OVOL2: variants seen among roughly 807,000 people sequenced by gnomAD.
The protein encoded by OVOL2 is ovo like zinc finger 2, also known as transcription factor Ovo-like 2.
In OVOL2, 13 loss-of-function variants were observed where a neutral mutation model predicts 18.1. The ratio of observed to expected loss-of-function variants is 0.72; its 90% CI spans 0.47 to 1.14. The LOEUF is 1.14. Ranked by LOEUF, OVOL2 falls within the 50% of genes most tolerant of loss-of-function variation. The probability of loss-of-function intolerance (pLI) is 0.00; values close to 1 mark genes in which losing one functional copy is unlikely to be tolerated. For synonymous variants in OVOL2, 166 were observed against 162.7 expected (o/e 1.02, Z -0.16); for missense variants, 335 against 383.0 (o/e 0.87, Z 1.05).
In OVOL2 at chr20:18,032,321, AAGAAAGAG is replaced by A. The variant is rs1440246109; in HGVS notation, c.512-7377_512-7370del. The stretch of plus-strand genomic sequence containing the variant: ...AAGGAAGGAAGGAGAGAGAGAGAGA[AAGAAAGAG>A]AGAAAGAAAGAAAGGAAAGAAAAGA... On this transcript the variant is annotated intron_variant, in intron 3 of 3. Coordinates refer to ENST00000278780, the MANE Select transcript of OVOL2 (RefSeq NM_021220.4). 2.7e-5 allele frequency among the ~76,000 whole-genome samples: 4 copies of A among 147,190 alleles called. No homozygotes were observed. In the East Asian group the frequency reaches 8.6e-4, roughly 31 times the overall value.
At chr20:18,054,230 C>T (rs770118114) in intron 2 of OVOL2, among the ~76,000 whole-genome samples, 1 of 152,196 alleles carries the variant, frequency 6.6e-6, no homozygotes, top group Non-Finnish European at 1.5e-5. Flanking sequence ...GAGGGGTGAG[C>T]CACTTGCTCA....
At position 18,056,958 on chromosome 20, in the gene OVOL2, G is replaced by A; in HGVS notation, c.101-81C>T. ...CGCGGCAGTTTGACCTGCGGGCGGT[G>A]CTGCCGCCGCCCCGCCCCGGACCTG... On this transcript the variant is annotated intron_variant, in intron 1 of 3. Coordinates refer to ENST00000278780, the MANE Select transcript of OVOL2 (RefSeq NM_021220.4). The surrounding 1 kb of genome is among the most constrained non-coding windows in gnomAD (Gnocchi z 4.2). The A allele has an allele frequency of 7.3e-7, 1 of 1,370,428 alleles. No homozygotes were observed. The highest frequency in any genetic ancestry group is 1.7e-5 in the South Asian group (1 of 59,968). The allele number at this position is 1,370,428 out of a possible 1,614,324, so 84.9% of individuals were successfully genotyped here.
intron 2 of OVOL2, among the ~76,000 whole-genome samples, chr20:18,042,355 C>T (rs1336000015): frequency 6.6e-6 from 1 of 152,154 alleles, no homozygotes; most frequent in Non-Finnish European, 1.5e-5. Context: ...GAAATGTGAT[C>T]CCCAGTGTTG....
At chr20:18,031,141 G>A (rs1327017265) in intron 3 of OVOL2, among the ~76,000 whole-genome samples, 1 of 152,170 alleles carries the variant, frequency 6.6e-6, no homozygotes, top group East Asian at 1.9e-4. Context: ...TTAACCTACT[G>A]ACACCCACAC....
At chr20:18,032,039 C>T (rs1054671400) in intron 3 of OVOL2, among the ~76,000 whole-genome samples, 10 of 152,046 alleles carry the variant, frequency 6.6e-5, no homozygotes, top group South Asian at 2.1e-4. Flanking sequence ...GCAGCCTCCC[C>T]GGAAGGCAAT....
intron 3 of OVOL2, among the ~76,000 whole-genome samples, chr20:18,027,542 AT>A (rs1429763230): frequency 2.0e-5 from 3 of 150,084 alleles, no homozygotes; most frequent in Admixed American, 6.7e-5. Context: ...AAAAAAAAAA[AT>A]AAGTAAATAA....
Position 18,024,666 on chromosome 20 carries a change from G to A in OVOL2, c.798C>T (p.Thr266=), listed in dbSNP as rs2036493245. ...TCCTCTCCTCCTCCTCACTCAGGCT[G>A]GTATTCTCCTGGTGTGCGGATGTCA... is the stretch of plus-strand genomic sequence containing the variant. ...GKLTSAHQEN[T]SLSEEEERK Residue 266 remains threonine, a synonymous_variant, in exon 4 of 4, where the codon ACC becomes ACT. Coordinates refer to ENST00000278780, the MANE Select transcript of OVOL2 (RefSeq NM_021220.4). 1 of 1,612,484 alleles carries A rather than the reference G, an allele frequency of 6.2e-7. No individual in the cohort carries two copies. Among genetic ancestry groups the A allele is most frequent in the East Asian group, 2.2e-5 (1 of 44,848 alleles).
chr20:18,058,597 A>G (rs1271170732), upstream of OVOL2, among the ~76,000 whole-genome samples: 1 of 150,430 alleles, frequency 6.6e-6, no homozygotes. Flanking sequence ...AAAAGCCAGG[A>G]GCATATTATG....
upstream of OVOL2, chr20:18,057,989 G>T: frequency 1.5e-6 from 1 of 650,696 alleles, no homozygotes; most frequent in Non-Finnish European, 2.1e-6. This position sits in a 1 kb window ranked among gnomAD's most constrained non-coding sequence, Gnocchi z 6.3. Flanking sequence ...TCCGGCGGCC[G>T]GGGCTGCCTG....
Position 18,054,678 on chromosome 20 carries a change from G to A in OVOL2, c.321+1979C>T, listed in dbSNP as rs113650326. Among the ~76,000 whole-genome samples the A allele has an allele frequency of 9.1e-3, 1,371 of 150,020 alleles. 27 individuals carry two copies. Among genetic ancestry groups the A allele is most frequent in the African/African-American group, 0.032 (1,312 of 40,794 alleles). On this transcript the variant is annotated intron_variant, in intron 2 of 3. Transcript: ENST00000278780. ...AATCACTTGAACCCGGGAGGCAGAG[G>A]TTGCAGTGAGCTAAGATCCAGCCAT...
At chr20:18,033,648 C>A (rs2036590163) in intron 3 of OVOL2, among the ~76,000 whole-genome samples, 1 of 152,242 alleles carries the variant, frequency 6.6e-6, no homozygotes. Context: ...TCGGGCACTT[C>A]CGAAGCAATA....
At chr20:18,026,742 C>T (rs538361448) in intron 3 of OVOL2, among the ~76,000 whole-genome samples, 17 of 152,218 alleles carry the variant, frequency 1.1e-4, no homozygotes, top group African/African-American at 4.1e-4. Context: ...CTTTCAAGAG[C>T]CACAGGTTAG....
chr20:18,027,837 C>T (rs2036534023), intron 3 of OVOL2, among the ~76,000 whole-genome samples: 1 of 152,130 alleles, frequency 6.6e-6, no homozygotes, highest in African/African-American at 2.4e-5. Context: ...CCTCGTGATC[C>T]TCCCATCTCG....
At chr20:18,038,964 C>T (rs2036644827) in intron 3 of OVOL2, among the ~76,000 whole-genome samples, 1 of 152,092 alleles carries the variant, frequency 6.6e-6, no homozygotes, top group South Asian at 2.1e-4. Flanking sequence ...TTCTCCTCAC[C>T]CCCACCCAAT....
chr20:18,047,858 A>T (rs1322823852), intron 2 of OVOL2, among the ~76,000 whole-genome samples: 8 of 150,182 alleles, frequency 5.3e-5, no homozygotes, highest in Non-Finnish European at 8.9e-5. Flanking sequence ...CGTCTCAAAA[A>T]AAAAAAAAAA....
chr20:18,051,229 GAGAA>G (rs1247635128), intron 2 of OVOL2, among the ~76,000 whole-genome samples: 1 of 151,944 alleles, frequency 6.6e-6, no homozygotes, highest in East Asian at 1.9e-4. Context: ...AATAAATAAA[GAGAA>G]AGAAAAGAAA....
chr20:18,036,651 A>T (rs1231724203), intron 3 of OVOL2, among the ~76,000 whole-genome samples: 1 of 151,254 alleles, frequency 6.6e-6, no homozygotes, highest in African/African-American at 2.4e-5. Context: ...TCAGGTTGGG[A>T]GTCTGAAGGG....
At chr20:18,052,301 A>C (rs1321169951) in intron 2 of OVOL2, among the ~76,000 whole-genome samples, 2 of 152,248 alleles carry the variant, frequency 1.3e-5, no homozygotes, top group African/African-American at 4.8e-5. Flanking sequence ...CAATGTGTGG[A>C]CATTATGTGG....
intron 3 of OVOL2, among the ~76,000 whole-genome samples, chr20:18,031,078 T>C (rs906595961): frequency 2.0e-5 from 3 of 152,176 alleles, no homozygotes; most frequent in African/African-American, 2.4e-5. Flanking sequence ...ACCGTGCCTG[T>C]GTCTAAAGCA....
Sources: gnomAD v4.1 joint callset for allele counts (sites outside exome capture counted in the v4.1 genomes callset) on GRCh38, gnomAD v4.1.1 for gene constraint, Gnocchi (gnomAD v3.1) non-coding constraint, MANE v1.5 for transcripts, NCBI Gene and HGNC (gene_info 2026-07-23, HGNC 2026-07-21) for gene names.